DNM1: variants seen among roughly 807,000 people sequenced by gnomAD.
DNM1 encodes dynamin 1.
DNM1 carries 29 observed loss-of-function variants against 104.6 expected under a neutral mutation model. That is an observed-to-expected ratio of 0.28 (90% CI 0.21 to 0.38). The LOEUF is 0.38. DNM1 is among the 10% of genes least tolerant of loss of function. The pLI is 1.00. For synonymous variants in DNM1, 445 were observed against 475.8 expected, an observed-to-expected ratio of 0.94 and a Z score of 0.84; for missense variants, 640 against 1,189.4, an observed-to-expected ratio of 0.54 and a Z score of 6.79.
chr9:128,250,330 G>C lies in DNM1; in HGVS notation c.2292G>C (p.Gln764His). 6.3e-7 allele frequency: 1 copy of C among 1,598,348 alleles called. No homozygotes were observed. Among genetic ancestry groups the C allele is most frequent in the Non-Finnish European group, 8.5e-7 (1 of 1,173,090 alleles). Residue 764 changes from glutamine (Q) to histidine (H), a missense_variant, in exon 20 of 22, where the codon CAG becomes CAC. Physicochemically the swap from Gln to His is conservative, Grantham distance 24. Around this residue, in one of 7 missense-constraint regions of DNM1, gnomAD observed 129 missense variants for 224.6 expected, o/e 0.57. Transcript: ENST00000372923. The part of the protein sequence containing the change: ...MPPPVDDSWL[Q>H]VQSVPAGRRS... ...CGCCCGTGGACGACTCCTGGCTGCA[G>C]GTGCAGAGCGTACCGGCCGGACGCA...
chr9:128,208,057 T>TC (rs1346224514), intron 1 of DNM1, among the ~76,000 whole-genome samples: 1 of 151,520 alleles, frequency 6.6e-6, no homozygotes, highest in Non-Finnish European at 1.5e-5. Context: ...TTCTTTTTTT[T>TC]CTTTTTTTTT....
chr9:128,252,774 G>T, intron 21 of DNM1: 2 of 610,496 alleles, frequency 3.3e-6, no homozygotes, highest in East Asian at 3.5e-5. Context: ...AGTGTGCAGG[G>T]AGCTGGTGCA....
At chr9:128,244,753 G>C (rs1238211865) in intron 15 of DNM1, 5 of 534,270 alleles carry the variant, frequency 9.4e-6, no homozygotes, top group South Asian at 7.0e-5. Flanking sequence ...CCTAACCAAT[G>C]TGCAGACTAC....
At position 128,253,917 on chromosome 9, in the gene DNM1, G is replaced by C. The variant is rs940876536; in HGVS notation, c.2535-737G>C. 8 of 1,227,134 alleles carry C rather than the reference G, an allele frequency of 6.5e-6. No individual in the cohort carries two copies. The highest frequency in any genetic ancestry group is 8.1e-6 in the Non-Finnish European group (8 of 983,658). 76.0% of individuals were successfully genotyped at this position (1,227,134 alleles called of 1,614,324 possible). On this transcript the variant is annotated intron_variant, in intron 21 of 21. Transcript: ENST00000372923. The surrounding 1 kb of genome is among the most constrained non-coding windows in gnomAD (Gnocchi z 5.9). Reference sequence around the variant, plus strand: ...ACTTGTGCCATTCAGCCAAGGGGACGACCGTGCCTGCTGGCCCAGCTGAGC... The same window carrying C: ...ACTTGTGCCATTCAGCCAAGGGGACCACCGTGCCTGCTGGCCCAGCTGAGC...
rs140221395 is a variant in DNM1 at position 128,245,939 on chromosome 9, C to A, written c.1672-455C>A. ...CTTGTGCTGGCTGCCTTATTGCTAA[C>A]ACATGGGGAGCTCGGGGGAGTGGGC... On this transcript the variant is annotated intron_variant, in intron 15 of 21. Coordinates refer to ENST00000372923, the MANE Select transcript of DNM1 (RefSeq NM_004408.4). The surrounding 1 kb of genome is among the most constrained non-coding windows in gnomAD (Gnocchi z 5.2). Among the ~76,000 whole-genome samples, 232 of 152,352 alleles carry A rather than the reference C, an allele frequency of 1.5e-3. No homozygotes were observed. Among genetic ancestry groups the A allele is most frequent in the Non-Finnish European group, 2.8e-3 (188 of 68,030 alleles).
chr9:128,248,705 C>G lies in DNM1; in HGVS notation c.2028C>G (p.Thr676=), dbSNP rs1339784958. 6.2e-7 allele frequency: 1 copy of G among 1,613,880 alleles called. No individual in the cohort carries two copies. The highest frequency in any genetic ancestry group is 8.5e-7 in the Non-Finnish European group (1 of 1,179,808). ...CATACATGGCCATTGTCAACAAGAC[C>G]GTGAGGGACCTCATGCCCAAGACCA... ...VDSYMAIVNK[T]VRDLMPKTIM... is the part of the protein sequence containing the mutation. Residue 676 remains threonine, a synonymous_variant, in exon 19 of 22, where the codon ACC becomes ACG. Transcript: ENST00000372923. This position sits in a 1 kb window ranked among gnomAD's most constrained non-coding sequence, Gnocchi z 5.6.
chr9:128,210,348 C>CATTATTATT (rs61012054), intron 1 of DNM1, among the ~76,000 whole-genome samples: 52,078 of 141,374 alleles, frequency 0.37, 10,795 homozygotes, highest in South Asian at 0.52. Flanking sequence ...ATTTATTTGG[C>CATTATTATT]ATTATTATTA....
Position 128,244,162 on chromosome 9 carries a change from G to A in DNM1, c.1671+1817G>A, listed in dbSNP as rs888703065. The stretch of plus-strand genomic sequence containing the variant: ...TGGGGAGGGGGCTCTAGGAGGGAGG[G>A]TGTGAGTATGGGGTGTTTGAGAATC... On this transcript the variant is annotated intron_variant, in intron 15 of 21. Coordinates refer to ENST00000372923, the MANE Select transcript of DNM1 (RefSeq NM_004408.4). 4.6e-5 allele frequency among the ~76,000 whole-genome samples: 7 copies of A among 151,996 alleles called. No homozygotes were observed. The South Asian group carries it at 1.5e-3, about 32-fold the overall frequency.
At position 128,239,971 on chromosome 9, in the gene DNM1, T is replaced by C; in HGVS notation, c.1546-14T>C. ...CCGATGCCTCTCGTGGTTGCTATGG[T>C]TACCTCTTTGCAGGATGAGATTCTG... On this transcript the variant is annotated splice_polypyrimidine_tract_variant and intron_variant, in intron 13 of 21. Transcript: ENST00000372923. 6.2e-7 allele frequency: 1 copy of C among 1,613,930 alleles called. No individual in the cohort carries two copies. Among genetic ancestry groups the C allele is most frequent in the Non-Finnish European group, 8.5e-7 (1 of 1,179,938 alleles).
At position 128,246,301 on chromosome 9, in the gene DNM1, G is replaced by A. The variant is rs1163369028; in HGVS notation, c.1672-93G>A. On this transcript the variant is annotated intron_variant, in intron 15 of 21. Coordinates refer to ENST00000372923, the MANE Select transcript of DNM1 (RefSeq NM_004408.4). ...CGCAGTGGGAGGGGGCTGATGCTTA[G>A]AAGCCCTGGGCCAGTCAGGGGGACT... 5.6e-6 allele frequency: 5 copies of A among 888,928 alleles called. 1 individual carries two copies. Among genetic ancestry groups the A allele is most frequent in the South Asian group, 5.4e-5 (4 of 73,758 alleles). 55.1% of individuals were successfully genotyped at this position (888,928 alleles called of 1,614,324 possible).
At chr9:128,215,665 C>T (rs1041400070) in intron 1 of DNM1, among the ~76,000 whole-genome samples, 2 of 152,188 alleles carry the variant, frequency 1.3e-5, no homozygotes, top group Admixed American at 1.3e-4. Context: ...CTATGTGGCA[C>T]CTTGGAGACC....
chr9:128,213,721 A>G (rs967885015), intron 1 of DNM1, among the ~76,000 whole-genome samples: 2 of 152,094 alleles, frequency 1.3e-5, no homozygotes, highest in Admixed American at 6.5e-5. Context: ...CTCATCTTCC[A>G]TTCCCTCTTT....
chr9:128,247,926 C>T lies in DNM1; in HGVS notation c.1896C>T (p.Asp632=), dbSNP rs201847959. 1 of 1,614,034 alleles carries T rather than the reference C, an allele frequency of 6.2e-7. No homozygotes were observed. Residue 632 remains aspartate (D), a splice_region_variant and synonymous_variant, in exon 18 of 22, where the codon GAC becomes GAT. Coordinates refer to ENST00000372923, the MANE Select transcript of DNM1 (RefSeq NM_004408.4). This position sits in a 1 kb window ranked among gnomAD's most constrained non-coding sequence, Gnocchi z 5.1. ...ATGTTGGTGTGTGGGCCTCCCAGGA[C>T]AAAGAGAAAGTGAGTGTGCCCTTCT... ...RAGVYPERVG[D]KEKASETEEN...
chr9:128,253,801 T>A lies in DNM1; in HGVS notation c.2535-853T>A. On this transcript the variant is annotated intron_variant, in intron 21 of 21. Coordinates refer to ENST00000372923, the MANE Select transcript of DNM1 (RefSeq NM_004408.4). The surrounding 1 kb of genome is among the most constrained non-coding windows in gnomAD (Gnocchi z 5.9). ...CCCTCCCAGGTACCGTCATAGCTGC[T>A]AGTGTGACTGAAGGCAGTGTCCCTG... 2 of 569,390 alleles carry A rather than the reference T, an allele frequency of 3.5e-6. No homozygotes were observed. Among genetic ancestry groups the A allele is most frequent in the Non-Finnish European group, 5.2e-6 (2 of 387,106 alleles). 35.3% of individuals were successfully genotyped at this position (569,390 alleles called of 1,614,324 possible).
At chr9:128,251,564 C>T in intron 21 of DNM1, 1 of 159,396 alleles carries the variant, frequency 6.3e-6, no homozygotes. Context: ...CAGGCCCGGG[C>T]TAGGACAGGA....
At chr9:128,217,011 G>A (rs915922022) in intron 1 of DNM1, among the ~76,000 whole-genome samples, 1 of 152,234 alleles carries the variant, frequency 6.6e-6, no homozygotes, top group Admixed American at 6.5e-5. Flanking sequence ...GGAGGGTGGT[G>A]CAGAGGGAGG....
chr9:128,249,993 C>T (rs1271359302), intron 19 of DNM1, 122 bp from the exon 20 acceptor site: 31 of 1,425,872 alleles, frequency 2.2e-5, no homozygotes, highest in East Asian at 9.2e-5. Context: ...TTCCAGTCTA[C>T]GCAGTGTAGG....
In DNM1 at chr9:128,222,259, A is replaced by T. The variant is rs1564332441; in HGVS notation, c.912A>T (p.Leu304=). The change falls in exon 7 of 22, where the codon CTA becomes CTT. Residue 304 remains leucine, a synonymous_variant. Transcript: ENST00000372923. This position sits in a 1 kb window ranked among gnomAD's most constrained non-coding sequence, Gnocchi z 7.8. ...TGCGGAACAAGCTGCAGAGCCAGCT[A>T]CTGTCCATTGAGAAGGAGGTGGAGG... is the stretch of plus-strand genomic sequence containing the variant. ...PGLRNKLQSQ[L]LSIEKEVEEY... is the part of the protein sequence containing the mutation. 1 of 1,614,166 alleles carries T rather than the reference A, an allele frequency of 6.2e-7. No homozygotes were observed.
At position 128,203,784 on chromosome 9, in the gene DNM1, C is replaced by A. The variant is rs561719219; in HGVS notation, c.161+153C>A. 7.0e-6 allele frequency among the ~76,000 whole-genome samples: 1 copy of A among 142,024 alleles called. No individual in the cohort carries two copies. Among genetic ancestry groups the A allele is most frequent in the Non-Finnish European group, 1.6e-5 (1 of 64,370 alleles). 93.2% of individuals were successfully genotyped at this position (142,024 alleles called of 152,430 possible). On this transcript the variant is annotated intron_variant, in intron 1 of 21. Coordinates refer to ENST00000372923, the MANE Select transcript of DNM1 (RefSeq NM_004408.4). The surrounding 1 kb of genome is among the most constrained non-coding windows in gnomAD (Gnocchi z 5.3). ...CCCCCAGCCGGAGCGAGGAGGCCCTCCCCCCACCACGAGAGCCCCTCGGGG... is the reference window on the plus strand; with the variant it reads ...CCCCCAGCCGGAGCGAGGAGGCCCTACCCCCACCACGAGAGCCCCTCGGGG...
Sources: gnomAD v4.1 joint callset for allele counts (sites outside exome capture counted in the v4.1 genomes callset) on GRCh38, gnomAD v4.1.1 for gene constraint, gnomAD v4.1.1 regional missense constraint, Gnocchi (gnomAD v3.1) non-coding constraint, MANE v1.5 for transcripts, NCBI Gene and HGNC (gene_info 2026-07-23, HGNC 2026-07-21) for gene names.